The following EYA1 variants were observed in gnomAD, a reference collection of about 807,000 sequenced individuals.
The protein encoded by EYA1 is protein phosphatase EYA1.
EYA1 carries 16 observed loss-of-function variants against 82.0 expected under a neutral mutation model. That is an observed-to-expected ratio of 0.20 (90% CI 0.13 to 0.30). The LOEUF is 0.30. EYA1 is among the 10% of genes least tolerant of loss of function. The pLI is 1.00. For missense variants in EYA1, 633 were observed against 730.7 expected (o/e 0.87, Z 1.54); for synonymous variants, 261 against 264.4 (o/e 0.99, Z 0.12).
At chr8:71,388,878 C>T (rs1240292256) in intron 2 of EYA1, among the ~76,000 whole-genome samples, 4 of 152,176 alleles carry the variant, frequency 2.6e-5, no homozygotes, top group East Asian at 3.9e-4. Context: ...TCAAACAGCA[C>T]GCTGGCAACT....
chr8:71,543,117 C>T (rs565581576), intron 1 of EYA1, among the ~76,000 whole-genome samples: 1 of 152,156 alleles, frequency 6.6e-6, no homozygotes. Context: ...TTTGCCCCTT[C>T]ATATGTCCAG....
intron 2 of EYA1, among the ~76,000 whole-genome samples, chr8:71,508,949 T>G (rs769594591): frequency 6.6e-6 from 1 of 152,244 alleles, no homozygotes; most frequent in East Asian, 1.9e-4. Context: ...GTGCCAGGTG[T>G]GGTGGCTCAC....
intron 2 of EYA1, among the ~76,000 whole-genome samples, chr8:71,433,501 C>T (rs1563609650): frequency 6.6e-6 from 1 of 152,140 alleles, no homozygotes; most frequent in Non-Finnish European, 1.5e-5. Flanking sequence ...CCATAGTTTC[C>T]CGGGAGAGCT....
rs1257063625 is a variant in EYA1 at position 71,356,383 on chromosome 8, T to C, written c.-5+79A>G. 1.3e-5 allele frequency: 16 copies of C among 1,239,516 alleles called. No homozygotes were observed. In the East Asian group the frequency reaches 4.1e-4, roughly 31 times the overall value. 76.8% of individuals were successfully genotyped at this position (1,239,516 alleles called of 1,614,324 possible). Reference sequence around the variant, plus strand: ...GGCTGTTACTATTAATAGAAATAATTAAGAAACACTAGACAAAAATAGATA... The same window carrying C: ...GGCTGTTACTATTAATAGAAATAATCAAGAAACACTAGACAAAAATAGATA... On this transcript the variant is annotated intron_variant, in intron 2 of 17. Transcript: ENST00000340726.
chr8:71,256,782 C>T (rs1814477690), intron 11 of EYA1, among the ~76,000 whole-genome samples: 2 of 152,052 alleles, frequency 1.3e-5, no homozygotes, highest in Non-Finnish European at 2.9e-5. Flanking sequence ...GGTGGATCAC[C>T]TGAGGTCAGG....
intron 3 of EYA1, among the ~76,000 whole-genome samples, chr8:71,336,414 C>T (rs1405891012): frequency 1.3e-5 from 2 of 152,144 alleles, no homozygotes; most frequent in East Asian, 1.9e-4. Flanking sequence ...TGTTCCACTG[C>T]GTGAGATGTC....
intron 2 of EYA1, among the ~76,000 whole-genome samples, chr8:71,436,295 T>TA (rs200720124): frequency 0.016 from 2,506 of 151,968 alleles, 39 homozygotes; most frequent in South Asian, 0.031. Context: ...TAAGTAAAAC[T>TA]AAAAAAGAAT....
intron 2 of EYA1, among the ~76,000 whole-genome samples, chr8:71,396,386 G>T (rs996753950): frequency 6.6e-6 from 1 of 152,062 alleles, no homozygotes; most frequent in Non-Finnish European, 1.5e-5. Context: ...GTGATTTTAG[G>T]TTGTCAATTT....
intron 3 of EYA1, among the ~76,000 whole-genome samples, chr8:71,351,273 A>C (rs1826279985): frequency 6.6e-6 from 1 of 152,192 alleles, no homozygotes. Context: ...TTTCATAAGC[A>C]TCCATTAGTG....
At chr8:71,403,176 T>C (rs1017726619) in intron 2 of EYA1, among the ~76,000 whole-genome samples, 2 of 152,190 alleles carry the variant, frequency 1.3e-5, no homozygotes, top group South Asian at 2.1e-4. Flanking sequence ...ACAGAAACTG[T>C]GTTCACAATC....
At chr8:71,413,350 G>T (rs1830702948) in intron 2 of EYA1, among the ~76,000 whole-genome samples, 1 of 152,168 alleles carries the variant, frequency 6.6e-6, no homozygotes, top group Admixed American at 6.5e-5. Context: ...ATTCAGCAAG[G>T]ATTTGAGTGC....
chr8:71,294,081 A>G (rs967592116), intron 9 of EYA1, among the ~76,000 whole-genome samples: 46 of 152,236 alleles, frequency 3.0e-4, no homozygotes, highest in Non-Finnish European at 4.4e-4. Flanking sequence ...CTTGAAACCA[A>G]TGAAGAAGGT....
At chr8:71,240,613 T>C (rs554866072) in intron 12 of EYA1, among the ~76,000 whole-genome samples, 6 of 152,326 alleles carry the variant, frequency 3.9e-5, no homozygotes, top group African/African-American at 1.4e-4. Context: ...TCCTGCTGAC[T>C]CTTAAAGGTC....
Position 71,399,085 on chromosome 8 carries a change from C to G in EYA1, c.34-42574G>C, listed in dbSNP as rs189859636. Among the ~76,000 whole-genome samples the G allele has an allele frequency of 3.0e-3, 451 of 152,340 alleles. 4 individuals carry two copies. The highest frequency in any genetic ancestry group is 0.011 in the African/African-American group (439 of 41,570). On this transcript the variant is annotated intron_variant, in intron 2 of 18. Transcript: ENST00000643681. ...AAGTGAGGCTCTGTGGGCGTGGGAC[C>G]CTCCAAGCCATGTGCGGGATATAAT...
At chr8:71,491,973 A>G (rs532582859) in intron 2 of EYA1, among the ~76,000 whole-genome samples, 1 of 152,312 alleles carries the variant, frequency 6.6e-6, no homozygotes, top group African/African-American at 2.4e-5. Context: ...AATGCCAACC[A>G]GCATCCCATG....
chr8:71,349,996 T>G (rs1826144901), intron 3 of EYA1, among the ~76,000 whole-genome samples: 1 of 152,198 alleles, frequency 6.6e-6, no homozygotes, highest in South Asian at 2.1e-4. Flanking sequence ...TGTTCATTCT[T>G]TTATGGCTTT....
At chr8:71,376,890 G>GT (rs1454298603) in intron 2 of EYA1, among the ~76,000 whole-genome samples, 1 of 151,966 alleles carries the variant, frequency 6.6e-6, no homozygotes. Context: ...GCCCTGCCCA[G>GT]GCTCCCTCCG....
intron 2 of EYA1, among the ~76,000 whole-genome samples, chr8:71,524,891 C>T (rs1241678616): frequency 6.6e-6 from 1 of 152,126 alleles, no homozygotes; most frequent in Admixed American, 6.5e-5. Context: ...GAAGGAATAA[C>T]TGTTAAGGAG....
At chr8:71,243,434 AC>A (rs1812724774) in intron 12 of EYA1, among the ~76,000 whole-genome samples, 1 of 152,250 alleles carries the variant, frequency 6.6e-6, no homozygotes. Context: ...GTAATGCCTT[AC>A]ATGTAATTTC....
Sources: gnomAD v4.1 joint callset for allele counts (sites outside exome capture counted in the v4.1 genomes callset) on GRCh38, gnomAD v4.1.1 for gene constraint, MANE v1.5 for transcripts, NCBI Gene and HGNC (gene_info 2026-07-23, HGNC 2026-07-21) for gene names.